Variants in MYO3B observed in about 807,000 individuals in gnomAD.
MYO3B encodes the protein myosin-IIIb.
A neutral mutation model predicts 174.6 loss-of-function variants in MYO3B; 156 were observed. That is an observed-to-expected ratio of 0.89 (90% CI 0.78 to 1.02). The LOEUF (loss-of-function observed/expected upper bound fraction) is 1.02, where lower values mean the gene tolerates loss of function less well. MYO3B is among the 50% of genes least tolerant of loss of function. The pLI is 0.00. For synonymous variants in MYO3B, 563 were observed against 569.1 expected (o/e 0.99, Z 0.15); for missense variants, 1,632 against 1,639.4 (o/e 1.00, Z 0.08).
At chr2:170,404,549 G>A in intron 20 of MYO3B, 149 bp downstream of exon 20, 1 of 763,292 alleles carries the variant, frequency 1.3e-6, no homozygotes, top group Non-Finnish European at 2.0e-6. Flanking sequence ...TTGAATTGAA[G>A]TGTTGTGGTA....
intron 32 of MYO3B, among the ~76,000 whole-genome samples, chr2:170,634,935 A>C (rs960415126): frequency 1.3e-5 from 2 of 152,218 alleles, no homozygotes; most frequent in Non-Finnish European, 2.9e-5. Flanking sequence ...CACACCAGTT[A>C]GAATGGCGAT....
At chr2:170,649,454 T>C (rs1421020342) in intron 32 of MYO3B, among the ~76,000 whole-genome samples, 1 of 126,526 alleles carries the variant, frequency 7.9e-6, no homozygotes, top group African/African-American at 3.0e-5. Flanking sequence ...AAATATATAA[T>C]ATATAATACA....
chr2:170,401,498 A>T lies in MYO3B; in HGVS notation c.1936A>T (p.Ile646Phe), dbSNP rs753877011. 1.2e-6 allele frequency: 2 copies of T among 1,614,014 alleles called. No homozygotes were observed. Among genetic ancestry groups the T allele is most frequent in the East Asian group, 4.5e-5 (2 of 44,870 alleles). The change falls in exon 18 of 35, where the codon ATT becomes TTT. Residue 646 changes from isoleucine to phenylalanine, a missense_variant. Coordinates refer to ENST00000408978, the MANE Select transcript of MYO3B (RefSeq NM_138995.5). ...ALQNAASVLC[I>F]SPEELQEALT... The stretch of plus-strand genomic sequence containing the variant: ...TGTTTCAGCTGCCTCTGTTCTGTGC[A>T]TTAGCCCTGAAGAGCTCCAGGAGGC...
chr2:170,259,278 A>G (rs983904356), intron 7 of MYO3B, among the ~76,000 whole-genome samples: 1 of 152,206 alleles, frequency 6.6e-6, no homozygotes, highest in Admixed American at 6.5e-5. Flanking sequence ...CAAAAAGAAC[A>G]CAGCCAGAGG....
rs78107313 is a variant in MYO3B at position 170,322,443 on chromosome 2, C to T, written c.750-12942C>T. On this transcript the variant is annotated intron_variant, in intron 7 of 34. Transcript: ENST00000408978. ...ATAATCCATTCAGTAGCAATTATTG[C>T]AATTGATCTTGAGGTTGGTGAAAAC... 4.2e-3 allele frequency among the ~76,000 whole-genome samples: 637 copies of T among 152,276 alleles called. 4 individuals are homozygous for T. Among genetic ancestry groups the T allele is most frequent in the African/African-American group, 0.015 (618 of 41,542 alleles).
chr2:170,387,318 C>G lies in MYO3B; in HGVS notation c.1577+10C>G, dbSNP rs766249264. 3 of 1,613,092 alleles carry G rather than the reference C, an allele frequency of 1.9e-6. No homozygotes were observed. Among genetic ancestry groups the G allele is most frequent in the Non-Finnish European group, 2.5e-6 (3 of 1,179,194 alleles). ...TTATAAAACAGGCAGCGTAGGTGCA[C>G]TACTTTATCACTGTGTTTTTGCCCT... is the stretch of plus-strand genomic sequence containing the variant. On this transcript the variant is annotated intron_variant, in intron 14 of 34. Transcript: ENST00000408978.
At chr2:170,468,052 G>C (rs750512645) in intron 25 of MYO3B, among the ~76,000 whole-genome samples, 9 of 152,092 alleles carry the variant, frequency 5.9e-5, no homozygotes, top group Non-Finnish European at 1.0e-4. Context: ...GCACTTCTTT[G>C]TTCATAATCA....
At position 170,183,860 on chromosome 2, in the gene MYO3B, C is replaced by A. The variant is rs565847943; in HGVS notation, c.2+5571C>A. On this transcript the variant is annotated intron_variant, in intron 1 of 34. Coordinates refer to ENST00000408978, the MANE Select transcript of MYO3B (RefSeq NM_138995.5). ...TGTTTAAATGCTAGAAAGGAATTAACCCATTTGAATTTTTTAATGTTCTAA... is the reference window on the plus strand; with the variant it reads ...TGTTTAAATGCTAGAAAGGAATTAAACCATTTGAATTTTTTAATGTTCTAA... 7.3e-5 allele frequency among the ~76,000 whole-genome samples: 11 copies of A among 149,858 alleles called. No homozygotes were observed. The Middle Eastern group carries it at 0.019, about 254-fold the overall frequency.
intron 30 of MYO3B, among the ~76,000 whole-genome samples, chr2:170,532,708 C>G (rs779901547): frequency 6.7e-6 from 1 of 150,324 alleles, no homozygotes; most frequent in Non-Finnish European, 1.5e-5. Flanking sequence ...CCCAGCTACT[C>G]GGGAGGCTGA....
intron 7 of MYO3B, among the ~76,000 whole-genome samples, chr2:170,331,050 G>A (rs1253270611): frequency 6.6e-6 from 1 of 152,146 alleles, no homozygotes; most frequent in Non-Finnish European, 1.5e-5. Context: ...CTGCCAGGTG[G>A]ACAAATTAGG....
intron 32 of MYO3B, among the ~76,000 whole-genome samples, chr2:170,645,102 A>T (rs1035854306): frequency 1.3e-5 from 2 of 152,196 alleles, no homozygotes; most frequent in African/African-American, 4.8e-5. Flanking sequence ...TCTCATGGGC[A>T]TCTATGCGAG....
chr2:170,563,031 T>TACACACACACACACACACACACACACAC (rs56861648), intron 32 of MYO3B, among the ~76,000 whole-genome samples: 1 of 138,568 alleles, frequency 7.2e-6, no homozygotes. Flanking sequence ...AAAACATGCA[T>TACACACACACACACACACACACACACAC]ACACACACAC....
intron 3 of MYO3B, among the ~76,000 whole-genome samples, chr2:170,200,581 A>G (rs1175230177): frequency 2.6e-5 from 4 of 152,242 alleles, no homozygotes; most frequent in Non-Finnish European, 5.9e-5. Context: ...AATTGTAAAC[A>G]TGTTTGAATT....
chr2:170,234,040 G>A (rs998651657), intron 6 of MYO3B, among the ~76,000 whole-genome samples: 3 of 150,236 alleles, frequency 2.0e-5, no homozygotes, highest in Non-Finnish European at 3.0e-5. Flanking sequence ...GCGTAGTGGC[G>A]GGCGCCTGTA....
chr2:170,588,735 G>A (rs1210011623), intron 32 of MYO3B, among the ~76,000 whole-genome samples: 3 of 152,166 alleles, frequency 2.0e-5, no homozygotes, highest in African/African-American at 7.2e-5. Context: ...GCCTGAAGAG[G>A]ACCTTTGTTC....
At position 170,236,024 on chromosome 2, in the gene MYO3B, T is replaced by C; in HGVS notation, c.637T>C (p.Tyr213His). ...IACEQQYDSS[Y>H]DARCDVWSLG... Reference sequence around the variant, plus strand: ...CTGTGAGCAGCAGTATGACTCTTCCTATGACGCTCGCTGTGACGTCTGGTC... The same window carrying C: ...CTGTGAGCAGCAGTATGACTCTTCCCATGACGCTCGCTGTGACGTCTGGTC... Residue 213 changes from tyrosine to histidine, a missense_variant, in exon 7 of 35, where the codon TAT becomes CAT. Tyr to His is a moderately conservative substitution (Grantham distance 83, BLOSUM62 2). Transcript: ENST00000408978. 10 of 1,614,138 alleles carry C rather than the reference T, an allele frequency of 6.2e-6. No individual in the cohort carries two copies. Among genetic ancestry groups the C allele is most frequent in the Non-Finnish European group, 8.5e-6 (10 of 1,180,024 alleles).
intron 7 of MYO3B, among the ~76,000 whole-genome samples, chr2:170,313,385 T>G (rs1366641678): frequency 6.6e-6 from 1 of 151,910 alleles, no homozygotes; most frequent in East Asian, 1.9e-4. Flanking sequence ...CTAAAAAAAA[T>G]AAATAAATAA....
In MYO3B at chr2:170,404,909, G is replaced by A. The variant is rs113279634; in HGVS notation, c.2431+509G>A. On this transcript the variant is annotated intron_variant, in intron 20 of 34. Transcript: ENST00000408978. ...CTACAGGATGAATATAGGGCACCTC[G>A]TCCTGACATCAAAGGCCCTCTATTC... 2.6e-5 allele frequency among the ~76,000 whole-genome samples: 4 copies of A among 152,246 alleles called. No individual in the cohort carries two copies. The South Asian group carries it at 6.2e-4, about 24-fold the overall frequency.
At chr2:170,267,638 T>A (rs2093394242) in intron 7 of MYO3B, among the ~76,000 whole-genome samples, 2 of 152,238 alleles carry the variant, frequency 1.3e-5, no homozygotes. Flanking sequence ...AAGGCTCATG[T>A]CAACTGGTCA....
Sources: gnomAD v4.1 joint callset for allele counts (sites outside exome capture counted in the v4.1 genomes callset) on GRCh38, gnomAD v4.1.1 for gene constraint, MANE v1.5 for transcripts, NCBI Gene and HGNC (gene_info 2026-07-23, HGNC 2026-07-21) for gene names.